The following ACOX3 variants were observed in gnomAD, a reference collection of about 807,000 sequenced individuals.
The protein encoded by ACOX3 is peroxisomal acyl-coenzyme A oxidase 3.
ACOX3 carries 73 observed loss-of-function variants against 81.5 expected under a neutral mutation model. The ratio of observed to expected loss-of-function variants is 0.90; its 90% CI spans 0.74 to 1.09. The LOEUF (loss-of-function observed/expected upper bound fraction) is 1.09, where lower values mean the gene tolerates loss of function less well. Ranked by LOEUF, ACOX3 falls within the 50% of genes least tolerant of loss-of-function variation. The pLI is 0.00. For synonymous variants in ACOX3, 387 were observed against 375.1 expected, an observed-to-expected ratio of 1.03 and a Z score of -0.37; for missense variants, 947 against 928.0, an observed-to-expected ratio of 1.02 and a Z score of -0.27.
chr4:8,416,239 A>T lies in ACOX3; in HGVS notation c.144+139T>A, dbSNP rs1166280204. 8 of 1,396,172 alleles carry T rather than the reference A, an allele frequency of 5.7e-6. No homozygotes were observed. In the Admixed American group the frequency reaches 1.4e-4, roughly 24 times the overall value. 86.5% of individuals were successfully genotyped at this position (1,396,172 alleles called of 1,614,324 possible). A position where few individuals can be genotyped will look rare whatever the true frequency, so the allele number is the denominator to read the frequency against. Reference sequence around the variant, plus strand: ...TTCCCTGAGGCCTGTCCTGGGGTGCAGAGAGGAGAGAGGCCGCGCTGCCTG... The same window carrying T: ...TTCCCTGAGGCCTGTCCTGGGGTGCTGAGAGGAGAGAGGCCGCGCTGCCTG... On this transcript the variant is annotated intron_variant, in intron 2 of 17. Transcript: ENST00000356406. The surrounding 1 kb of genome is among the most constrained non-coding windows in gnomAD (Gnocchi z 4.2).
intron 7 of ACOX3, among the ~76,000 whole-genome samples, chr4:8,401,423 T>C (rs1288396805): frequency 1.3e-5 from 2 of 152,106 alleles, no homozygotes; most frequent in African/African-American, 2.4e-5. Flanking sequence ...CACACCCCCA[T>C]TGTCACCCGG....
At position 8,436,427 on chromosome 4, in the gene ACOX3, C is replaced by T. The variant is rs1019018781; in HGVS notation, c.-15+4221G>A. 4.6e-5 allele frequency: 7 copies of T among 152,268 alleles called. No homozygotes were observed. In the East Asian group the frequency reaches 9.7e-4, roughly 21 times the overall value. 9.4% of individuals were successfully genotyped at this position (152,268 alleles called of 1,614,324 possible). A position where few individuals can be genotyped will look rare whatever the true frequency, so the allele number is the denominator to read the frequency against. ...AAGACTAAACATTTACACTGACTCT[C>T]AGTATGCCTGTTTAACCCTCCAACT... On this transcript the variant is annotated intron_variant, in intron 1 of 17. Coordinates refer to ENST00000356406, the MANE Select transcript of ACOX3 (RefSeq NM_003501.3).
At position 8,367,142 on chromosome 4, in the gene ACOX3, C is replaced by A. The variant is rs827000; in HGVS notation, c.1984-62G>T. 63 of 1,588,410 alleles carry A rather than the reference C, an allele frequency of 4.0e-5. No individual in the cohort carries two copies. The African/African-American group carries it at 7.1e-4, about 18-fold the overall frequency. On this transcript the variant is annotated intron_variant, in intron 17 of 17. Coordinates refer to ENST00000356406, the MANE Select transcript of ACOX3 (RefSeq NM_003501.3). ...AAATAAGAAGGAAAAGATTCCTAGA[C>A]GGCTGAGTGTGCAAATGCAACTCCT...
rs1475207032 is a variant in ACOX3, at chr4:8,423,950, A to T, written c.-14-7415T>A. 6.6e-6 allele frequency among the ~76,000 whole-genome samples: 1 copy of T among 152,208 alleles called. No individual in the cohort carries two copies. Among genetic ancestry groups the T allele is most frequent in the Non-Finnish European group, 1.5e-5 (1 of 68,032 alleles). ...GCGGATGATTTACTTTTAGCCACCC[A>T]TTCAGAAACCTTGTGCCATCAAGCC... On this transcript the variant is annotated intron_variant, in intron 1 of 17. Coordinates refer to ENST00000356406, the MANE Select transcript of ACOX3 (RefSeq NM_003501.3). The surrounding 1 kb of genome is among the most constrained non-coding windows in gnomAD (Gnocchi z 4.2).
At position 8,406,354 on chromosome 4, in the gene ACOX3, G is replaced by A. The variant is rs755371625; in HGVS notation, c.688-311C>T. 1.2e-4 allele frequency among the ~76,000 whole-genome samples: 19 copies of A among 152,220 alleles called. No individual in the cohort carries two copies. The highest frequency in any genetic ancestry group is 2.2e-4 in the Non-Finnish European group (15 of 68,040). On this transcript the variant is annotated intron_variant, in intron 6 of 17. Transcript: ENST00000356406. The surrounding 1 kb of genome is among the most constrained non-coding windows in gnomAD (Gnocchi z 5.6). The stretch of plus-strand genomic sequence containing the variant: ...GAATCAGAAGAGGAGTGGGTGTGGG[G>A]AAGAGGGGGCCATGTGGAGACGGAG...
chr4:8,420,366 G>A (rs768906980), intron 1 of ACOX3, among the ~76,000 whole-genome samples: 1 of 152,152 alleles, frequency 6.6e-6, no homozygotes, highest in Non-Finnish European at 1.5e-5. Flanking sequence ...CAGTGATGCT[G>A]AGAGACAGGA....
the ACOX3 span, chr4:8,356,533 A>G: frequency 6.8e-4 from 309 of 452,640 alleles, 2 homozygotes; most frequent in African/African-American, 5.7e-3. Context: ...AAAGATGTCC[A>G]CAGAGTATGA....
At position 8,382,974 on chromosome 4, in the gene ACOX3, G is replaced by C. The variant is rs533330369; in HGVS notation, c.1538-1367C>G. On this transcript the variant is annotated intron_variant, in intron 13 of 17. Coordinates refer to ENST00000356406, the MANE Select transcript of ACOX3 (RefSeq NM_003501.3). This position sits in a 1 kb window ranked among gnomAD's most constrained non-coding sequence, Gnocchi z 4.1. The stretch of plus-strand genomic sequence containing the variant: ...CCACTGCACTCCAGCCTGGGCGACA[G>C]AGCGAGACTCCGTCTCAAAAAAAAA... 3.5e-3 allele frequency among the ~76,000 whole-genome samples: 470 copies of C among 135,700 alleles called. 3 individuals are homozygous for C. The highest frequency in any genetic ancestry group is 0.012 in the African/African-American group (445 of 37,066). 89.0% of individuals were successfully genotyped at this position (135,700 alleles called of 152,430 possible).
Position 8,440,714 on chromosome 4 carries a change from AT to A in ACOX3, c.-82del, listed in dbSNP as rs1724581823. On this transcript the variant is annotated 5_prime_UTR_variant, in exon 1 of 18. It adds an upstream start codon to the 5' untranslated region. Transcript: ENST00000356406. ...GCAGGAAAGGATCTCCAGCGGCGCC[AT>A]TCTCATTTCCGGTCCCAGCACCCCG... is the stretch of plus-strand genomic sequence containing the variant. The A allele has an allele frequency of 4.6e-6, 6 of 1,306,690 alleles. No individual in the cohort carries two copies. The South Asian group carries it at 1.1e-4, about 23-fold the overall frequency. The allele number at this position is 1,306,690 out of a possible 1,614,324, so 80.9% of individuals were successfully genotyped here.
intron 1 of ACOX3, among the ~76,000 whole-genome samples, chr4:8,417,855 A>T (rs992923663): frequency 6.6e-6 from 1 of 152,238 alleles, no homozygotes; most frequent in Non-Finnish European, 1.5e-5. Context: ...ATCAGGAATC[A>T]AAGACGGGAC....
intron 13 of ACOX3, among the ~76,000 whole-genome samples, 179 bp downstream of exon 13, chr4:8,388,994 G>A (rs774563361): frequency 7.9e-5 from 12 of 152,280 alleles, no homozygotes; most frequent in African/African-American, 2.2e-4. Context: ...CTAACTCGGC[G>A]TCAGGCACAA....
rs1367275581 is a variant in ACOX3, at chr4:8,385,596, T to C, written c.1537+3577A>G. On this transcript the variant is annotated intron_variant, in intron 13 of 17. Coordinates refer to ENST00000356406, the MANE Select transcript of ACOX3 (RefSeq NM_003501.3). The surrounding 1 kb of genome is among the most constrained non-coding windows in gnomAD (Gnocchi z 5.5). Reference sequence around the variant, plus strand: ...TGTGACACTCAGCTCAGTGCAAAAATGCCTGTGCAAAAATCAGAGGAACTC... The same window carrying C: ...TGTGACACTCAGCTCAGTGCAAAAACGCCTGTGCAAAAATCAGAGGAACTC... 2.6e-5 allele frequency among the ~76,000 whole-genome samples: 4 copies of C among 152,160 alleles called. No homozygotes were observed. The highest frequency in any genetic ancestry group is 5.9e-5 in the Non-Finnish European group (4 of 68,036).
chr4:8,372,699 G>A (rs1347342478), intron 16 of ACOX3, among the ~76,000 whole-genome samples: 1 of 152,238 alleles, frequency 6.6e-6, no homozygotes, highest in Non-Finnish European at 1.5e-5. Flanking sequence ...CCAGTCACAG[G>A]GACGTTCCAC....
rs747011616 is a variant in ACOX3 at position 8,375,114 on chromosome 4, C to A, written c.1692G>T (p.Glu564Asp). The A allele has an allele frequency of 1.9e-6, 3 of 1,554,658 alleles. No homozygotes were observed. The highest frequency in any genetic ancestry group is 2.6e-6 in the Non-Finnish European group (3 of 1,148,992). Residue 564 changes from glutamate to aspartate, a missense_variant, in exon 15 of 18, where the codon GAG (glutamate) becomes GAT (aspartate). Transcript: ENST00000356406. ...CGTGGAACCTCTGGACCACCGTGAG[C>A]TCCACGAAGGCCAGCGCCAACGGAC... is the stretch of plus-strand genomic sequence containing the variant. ...HGRPLALAFVELTVVQRFHEH... is the reference protein window; with the variant it reads ...HGRPLALAFVDLTVVQRFHEH...
rs114747490 is a variant in ACOX3, at chr4:8,423,663, T to C, written c.-14-7128A>G. Among the ~76,000 whole-genome samples the C allele has an allele frequency of 4.3e-3, 660 of 152,258 alleles. 4 individuals carry two copies. Among genetic ancestry groups the C allele is most frequent in the African/African-American group, 0.015 (625 of 41,564 alleles). On this transcript the variant is annotated intron_variant, in intron 1 of 17. Coordinates refer to ENST00000356406, the MANE Select transcript of ACOX3 (RefSeq NM_003501.3). This position sits in a 1 kb window ranked among gnomAD's most constrained non-coding sequence, Gnocchi z 4.2. ...TTCCTCTATACCCAGCTGTACCTAA[T>C]CTTATACTCACTCTGCTTTCCCAAA...
At chr4:8,369,547 A>G (rs1200931418) in intron 17 of ACOX3, among the ~76,000 whole-genome samples, 1 of 151,972 alleles carries the variant, frequency 6.6e-6, no homozygotes, top group Non-Finnish European at 1.5e-5. Flanking sequence ...TGCAGAGATG[A>G]CCATCCCTGC....
At chr4:8,428,822 C>T (rs1304554414) in intron 1 of ACOX3, among the ~76,000 whole-genome samples, 1 of 152,186 alleles carries the variant, frequency 6.6e-6, no homozygotes, top group Non-Finnish European at 1.5e-5. Context: ...TGCCTGTAAT[C>T]CCAGCGCTTT....
chr4:8,375,487 C>A (rs1385322110), intron 14 of ACOX3, among the ~76,000 whole-genome samples: 1 of 152,182 alleles, frequency 6.6e-6, no homozygotes, highest in Non-Finnish European at 1.5e-5. Flanking sequence ...TCTGCGGCTA[C>A]AGAGTGGGCG....
chr4:8,412,705 C>A (rs1176642971), intron 5 of ACOX3, among the ~76,000 whole-genome samples: 2 of 152,078 alleles, frequency 1.3e-5, no homozygotes, highest in East Asian at 3.9e-4. Context: ...GGCAGGGAGA[C>A]CTAGGCCTCA....
Sources: allele counts gnomAD v4.1 joint callset (sites outside exome capture counted in the v4.1 genomes callset), GRCh38; gene constraint gnomAD v4.1.1; non-coding constraint Gnocchi (gnomAD v3.1); transcripts MANE v1.5; gene names NCBI Gene and HGNC (gene_info 2026-07-23, HGNC 2026-07-21).